Variants in KIAA1958 observed in about 807,000 individuals in gnomAD.
KIAA1958 encodes the protein uncharacterized protein KIAA1958.
KIAA1958 carries 14 observed loss-of-function variants against 47.2 expected under a neutral mutation model. The ratio of observed to expected loss-of-function variants is 0.30; its 90% CI spans 0.20 to 0.46. KIAA1958 has a LOEUF of 0.46. Ranked by LOEUF, KIAA1958 falls within the 20% of genes least tolerant of loss-of-function variation. The pLI is 1.00. For missense variants in KIAA1958, 803 were observed against 909.2 expected (o/e 0.88, Z 1.50); for synonymous variants, 354 against 353.3 (o/e 1.00, Z -0.02).
chr9:112,546,466 A>G (rs1212675643), intron 1 of KIAA1958, among the ~76,000 whole-genome samples: 2 of 150,348 alleles, frequency 1.3e-5, no homozygotes, highest in Non-Finnish European at 3.0e-5. Context: ...TGCAGCTGCC[A>G]CTCTTTTATT....
chr9:112,565,648 T>C (rs1347365017), intron 1 of KIAA1958, among the ~76,000 whole-genome samples: 1 of 152,252 alleles, frequency 6.6e-6, no homozygotes, highest in Non-Finnish European at 1.5e-5. Flanking sequence ...TTTCAATTTG[T>C]ATGAAACTTA....
intron 1 of KIAA1958, among the ~76,000 whole-genome samples, chr9:112,531,036 T>C (rs1834742993): frequency 6.6e-6 from 1 of 152,202 alleles, no homozygotes; most frequent in African/African-American, 2.4e-5. Context: ...CGCAACAACA[T>C]AGAAAATGCT....
chr9:112,493,656 G>A (rs140733686), intron 1 of KIAA1958, among the ~76,000 whole-genome samples: 4 of 152,130 alleles, frequency 2.6e-5, no homozygotes, highest in East Asian at 3.9e-4. Context: ...AAGTCCTTAC[G>A]GTAAAGCTTC....
chr9:112,658,874 G>GATCGAGACCATCCTGGCTAACA (rs1837202949), intron 3 of KIAA1958, among the ~76,000 whole-genome samples: 5 of 151,740 alleles, frequency 3.3e-5, no homozygotes, highest in South Asian at 2.1e-4. Flanking sequence ...CAAAAAATTA[G>GATCGAGACCATCCTGGCTAACA]CCGGGCGTGG....
chr9:112,632,637 A>G (rs1836730327), intron 2 of KIAA1958, among the ~76,000 whole-genome samples: 1 of 152,116 alleles, frequency 6.6e-6, no homozygotes, highest in African/African-American at 2.4e-5. Context: ...TGTTCTGTGA[A>G]TAATTGCCTG....
rs185484770 is a variant in KIAA1958, at chr9:112,623,859, A to G, written c.1172-21791A>G. Among the ~76,000 whole-genome samples, 118 of 152,342 alleles carry G rather than the reference A, an allele frequency of 7.7e-4. No homozygotes were observed. In the South Asian group the frequency reaches 0.012, roughly 16 times the overall value. Reference sequence around the variant, plus strand: ...GATTGCCATTGACCAGATACTAAATATGAATTAGAGGTAGACTGTGAACCT... The same window carrying G: ...GATTGCCATTGACCAGATACTAAATGTGAATTAGAGGTAGACTGTGAACCT... On this transcript the variant is annotated intron_variant, in intron 2 of 3. Coordinates refer to ENST00000337530, the MANE Select transcript of KIAA1958 (RefSeq NM_133465.4).
intron 1 of KIAA1958, among the ~76,000 whole-genome samples, chr9:112,504,048 T>C (rs1157857979): frequency 1.3e-5 from 2 of 152,154 alleles, no homozygotes; most frequent in Non-Finnish European, 2.9e-5. Flanking sequence ...AATCAAGTAC[T>C]TTAGATCTTT....
At position 112,661,627 on chromosome 9, in the gene KIAA1958, A is replaced by T. The variant is rs555625222; in HGVS notation, c.*1558A>T. ...CATTGACATATGTAATACTTCCTTTACCAGAGAAGACTCAACCAATGCTGC... is the reference window on the plus strand; with the variant it reads ...CATTGACATATGTAATACTTCCTTTTCCAGAGAAGACTCAACCAATGCTGC... On this transcript the variant is annotated 3_prime_UTR_variant, in exon 4 of 4. Transcript: ENST00000337530. The T allele has an allele frequency of 6.6e-6, 1 of 152,202 alleles. No individual in the cohort carries two copies. Among genetic ancestry groups the T allele is most frequent in the Non-Finnish European group, 1.5e-5 (1 of 68,030 alleles). The allele number at this position is 152,202 out of a possible 1,614,324, so 9.4% of individuals were successfully genotyped here.
At chr9:112,650,134 A>G (rs1415082999) in intron 3 of KIAA1958, among the ~76,000 whole-genome samples, 1 of 152,116 alleles carries the variant, frequency 6.6e-6, no homozygotes, top group Admixed American at 6.5e-5. Flanking sequence ...TGAAGGAAAA[A>G]CTGTCAACAT....
chr9:112,605,571 C>A (rs1361679739), intron 2 of KIAA1958, among the ~76,000 whole-genome samples: 1 of 152,190 alleles, frequency 6.6e-6, no homozygotes, highest in Non-Finnish European at 1.5e-5. Flanking sequence ...CAATGCAAAT[C>A]TGACCATGTA....
At chr9:112,635,218 GT>G (rs1564197256) in intron 2 of KIAA1958, among the ~76,000 whole-genome samples, 2 of 19,158 alleles carry the variant, frequency 1.0e-4, no homozygotes, top group Non-Finnish European at 4.7e-4. Context: ...TTTATTTTGT[GT>G]GTGTGTGTGT....
In KIAA1958 at chr9:112,668,856, A is replaced by G. The variant is rs555282457; in HGVS notation, c.*8787A>G. 2 of 152,336 alleles carry G rather than the reference A, an allele frequency of 1.3e-5. No individual in the cohort carries two copies. The highest frequency in any genetic ancestry group is 3.9e-4 in the East Asian group (2 of 5,192). The allele number at this position is 152,336 out of a possible 1,614,324, so 9.4% of individuals were successfully genotyped here. A position where few individuals can be genotyped will look rare whatever the true frequency, so the allele number is the denominator to read the frequency against. ...GGGTCCTCTTGCTCAGCTGTGACTA[A>G]CAAAAGTCTGTTCAATTTAACTACT... On this transcript the variant is annotated 3_prime_UTR_variant, in exon 4 of 4. Coordinates refer to ENST00000337530, the MANE Select transcript of KIAA1958 (RefSeq NM_133465.4).
chr9:112,537,436 G>A (rs571128939), intron 1 of KIAA1958, among the ~76,000 whole-genome samples: 16 of 152,282 alleles, frequency 1.1e-4, no homozygotes, highest in East Asian at 1.9e-4. Flanking sequence ...CTAATAAAGC[G>A]TTCATATCTA....
At chr9:112,488,362 T>C (rs900484391) in intron 1 of KIAA1958, among the ~76,000 whole-genome samples, 4 of 152,208 alleles carry the variant, frequency 2.6e-5, no homozygotes, top group African/African-American at 9.7e-5. Flanking sequence ...GCTAGCTAAG[T>C]TTCTTCATGA....
chr9:112,591,062 C>T (rs931649613), intron 2 of KIAA1958, among the ~76,000 whole-genome samples: 1 of 152,028 alleles, frequency 6.6e-6, no homozygotes, highest in Non-Finnish European at 1.5e-5. Context: ...CATTGAAATG[C>T]TGGATTTACT....
At chr9:112,590,557 C>A (rs893404938) in intron 2 of KIAA1958, among the ~76,000 whole-genome samples, 1 of 151,906 alleles carries the variant, frequency 6.6e-6, no homozygotes, top group Admixed American at 6.6e-5. Flanking sequence ...TCACTGTGTT[C>A]GCCAGACTGG....
Position 112,574,595 on chromosome 9 carries a change from G to T in KIAA1958, c.515G>T (p.Arg172Leu), listed in dbSNP as rs868215214. The T allele has an allele frequency of 6.2e-7, 1 of 1,613,954 alleles. No individual in the cohort carries two copies. Among genetic ancestry groups the T allele is most frequent in the African/African-American group, 1.3e-5 (1 of 74,930 alleles). The part of the protein sequence containing the change: ...PQTQRPQSIA[R>L]KRPGVVPSSL... ...ACCCAAAGGCCTCAAAGCATTGCTC[G>T]CAAAAGACCTGGGGTAGTCCCATCT... Residue 172 changes from arginine (R) to leucine (L), a missense_variant, in exon 2 of 4, where the codon CGC becomes CTC. By Grantham distance (102) the Arg-to-Leu change is moderately radical (BLOSUM62 -2). This residue lies in a region of KIAA1958 where 761 missense variants were observed against 829.3 expected (regional missense o/e 0.92). Transcript: ENST00000337530.
intron 2 of KIAA1958, among the ~76,000 whole-genome samples, chr9:112,586,623 CTA>C (rs763373755): frequency 2.7e-4 from 41 of 152,162 alleles, no homozygotes; most frequent in Non-Finnish European, 4.3e-4. Flanking sequence ...GAAATAAAAA[CTA>C]TATTATTTAG....
At chr9:112,620,083 G>A (rs1402604522) in intron 2 of KIAA1958, among the ~76,000 whole-genome samples, 5 of 152,222 alleles carry the variant, frequency 3.3e-5, no homozygotes, top group South Asian at 2.1e-4. Context: ...ATATAAATGC[G>A]TTTATCTGTG....
Sources: gnomAD v4.1 joint callset for allele counts (sites outside exome capture counted in the v4.1 genomes callset) on GRCh38, gnomAD v4.1.1 for gene constraint, gnomAD v4.1.1 regional missense constraint, MANE v1.5 for transcripts, NCBI Gene and HGNC (gene_info 2026-07-23, HGNC 2026-07-21) for gene names.